Variants in TRIP11 observed in about 807,000 individuals in gnomAD.
TRIP11 encodes thyroid receptor-interacting protein 11.
In TRIP11, 148 loss-of-function variants were observed where a neutral mutation model predicts 223.1. The observed-to-expected ratio is 0.66, with a 90% CI of 0.58 to 0.76. TRIP11 has a LOEUF of 0.76. Ranked by LOEUF, TRIP11 falls within the 30% of genes least tolerant of loss-of-function variation. TRIP11 has a pLI of 0.00. For missense variants in TRIP11, 2,043 were observed against 2,222.0 expected (o/e 0.92, Z 1.62); for synonymous variants, 762 against 772.6 (o/e 0.99, Z 0.23).
At chr14:91,973,117 C>T (rs1014001117) in intron 19 of TRIP11, among the ~76,000 whole-genome samples, 3 of 151,622 alleles carry the variant, frequency 2.0e-5, no homozygotes, top group African/African-American at 7.3e-5. Flanking sequence ...CCTCCGCCTC[C>T]CAGGTTCAAG....
chr14:92,007,542 C>T, intron 10 of TRIP11, 98 bp downstream of exon 10: 1 of 1,355,532 alleles, frequency 7.4e-7, no homozygotes, highest in Non-Finnish European at 1.0e-6. Flanking sequence ...GTTTGTCAAT[C>T]TCTATGAACT....
At chr14:91,996,164 C>T (rs2056748532) in intron 13 of TRIP11, among the ~76,000 whole-genome samples, 1 of 152,176 alleles carries the variant, frequency 6.6e-6, no homozygotes, top group Admixed American at 6.5e-5. Flanking sequence ...TCCCCTTTCC[C>T]TTGAAAACTA....
chr14:91,980,081 T>C (rs182447969), intron 16 of TRIP11, among the ~76,000 whole-genome samples: 5 of 152,262 alleles, frequency 3.3e-5, no homozygotes, highest in African/African-American at 9.6e-5. Flanking sequence ...ATCTGTGACA[T>C]AGTAAAACTT....
intron 15 of TRIP11, among the ~76,000 whole-genome samples, chr14:91,989,613 T>C (rs189355200): frequency 4.9e-4 from 75 of 151,654 alleles, no homozygotes; most frequent in Admixed American, 4.4e-3. Flanking sequence ...AGGTCAAGTT[T>C]TGCCATCTTC....
At chr14:92,013,907 G>C (rs1350369269) in intron 7 of TRIP11, among the ~76,000 whole-genome samples, 1 of 152,192 alleles carries the variant, frequency 6.6e-6, no homozygotes, top group Admixed American at 6.5e-5. Context: ...TTGGATATAG[G>C]AGATCGTTTC....
chr14:92,001,418 G>C (rs2056824808), intron 11 of TRIP11, among the ~76,000 whole-genome samples: 1 of 148,052 alleles, frequency 6.8e-6, no homozygotes. Context: ...GCAAATGCTT[G>C]AGAAATTAAA....
intron 10 of TRIP11, among the ~76,000 whole-genome samples, chr14:92,007,014 C>A (rs1424032927): frequency 6.7e-6 from 1 of 149,000 alleles, no homozygotes; most frequent in Non-Finnish European, 1.5e-5. Flanking sequence ...AATTTAAAAC[C>A]AAAGATGGTA....
intron 15 of TRIP11, among the ~76,000 whole-genome samples, chr14:91,991,188 G>A (rs2056667416): frequency 6.6e-6 from 1 of 152,152 alleles, no homozygotes; most frequent in Non-Finnish European, 1.5e-5. Context: ...GTGGGAGTGG[G>A]TTCATAATCA....
In TRIP11 at chr14:92,004,526, A is replaced by G. The variant is rs1283477877; in HGVS notation, c.3450T>C (p.Ser1150=). ...TAGTTTCTCTAAACATATCTTGGCC[A>G]CTACTTTCAAATCTAGTGGACAATT... is the stretch of plus-strand genomic sequence containing the variant. ...NKKLSTRFES[S]GQDMFRETIQ... Residue 1150 remains serine (S), a synonymous_variant, in exon 11 of 21, where the codon AGT becomes AGC. Transcript: ENST00000267622. 5 of 1,613,306 alleles carry G rather than the reference A, an allele frequency of 3.1e-6. No homozygotes were observed. The highest frequency in any genetic ancestry group is 2.5e-6 in the Non-Finnish European group (3 of 1,179,946).
Position 92,002,615 on chromosome 14 carries a change from C to T in TRIP11, c.4557+804G>A, listed in dbSNP as rs2056841121. Reference sequence around the variant, plus strand: ...TTATTGAGACAGAGTCTTGTTCTGTCACCCAGGCAGGAGTGTAATGGCATG... The same window carrying T: ...TTATTGAGACAGAGTCTTGTTCTGTTACCCAGGCAGGAGTGTAATGGCATG... On this transcript the variant is annotated intron_variant, in intron 11 of 20. Coordinates refer to ENST00000267622, the MANE Select transcript of TRIP11 (RefSeq NM_004239.4). Among the ~76,000 whole-genome samples, 3 of 150,060 alleles carry T rather than the reference C, an allele frequency of 2.0e-5. No homozygotes were observed. In the South Asian group the frequency reaches 6.3e-4, roughly 32 times the overall value.
At chr14:92,028,927 G>A (rs957985102) in intron 2 of TRIP11, among the ~76,000 whole-genome samples, 5 of 152,090 alleles carry the variant, frequency 3.3e-5, no homozygotes, top group Admixed American at 6.6e-5. Context: ...CTAACTATTC[G>A]TAAAACTTGA....
In TRIP11 at chr14:91,975,299, A is replaced by C; in HGVS notation, c.5343-13T>G. ...TCTCATTAGGACTCTATGAAAATAA[A>C]GGCAGAAACAGCTCAAGTGAACTCA... On this transcript the variant is annotated splice_polypyrimidine_tract_variant and intron_variant, in intron 17 of 20. Transcript: ENST00000267622. 1 of 1,593,936 alleles carries C rather than the reference A, an allele frequency of 6.3e-7. No homozygotes were observed. The highest frequency in any genetic ancestry group is 8.6e-7 in the Non-Finnish European group (1 of 1,162,290).
chr14:91,970,688 G>A (rs896823929), intron 20 of TRIP11, among the ~76,000 whole-genome samples: 10 of 152,160 alleles, frequency 6.6e-5, no homozygotes, highest in African/African-American at 2.2e-4. Flanking sequence ...TAAGAGGAAC[G>A]AATAGGGAAA....
intron 20 of TRIP11, among the ~76,000 whole-genome samples, chr14:91,970,497 TA>T (rs1181201341): frequency 6.6e-6 from 1 of 152,156 alleles, no homozygotes; most frequent in African/African-American, 2.4e-5. Flanking sequence ...TTTGTATGGC[TA>T]AAATCTGACT....
chr14:91,976,510 C>T (rs1489488716), intron 16 of TRIP11, among the ~76,000 whole-genome samples: 2 of 152,196 alleles, frequency 1.3e-5, no homozygotes, highest in Non-Finnish European at 2.9e-5. Flanking sequence ...TTCATCACTG[C>T]CTCCTTGCAT....
intron 16 of TRIP11, 80 bp from the exon 17 acceptor site, chr14:91,976,269 T>C: frequency 3.5e-6 from 4 of 1,157,742 alleles, no homozygotes; most frequent in Non-Finnish European, 3.8e-6. Context: ...ATTTATGAGA[T>C]CTTTATTATA....
rs79971757 is a variant in TRIP11 at position 91,994,889 on chromosome 14, G to A, written c.5056+463C>T. Among the ~76,000 whole-genome samples the A allele has an allele frequency of 7.3e-3, 1,115 of 152,310 alleles. 33 individuals carry two copies. In the South Asian group the frequency reaches 0.077, roughly 11 times the overall value. Reference sequence around the variant, plus strand: ...GAAAATGTAGTTACCTCAAAGCATAGATGAATAGCTATGAACATGTGAATC... The same window carrying A: ...GAAAATGTAGTTACCTCAAAGCATAAATGAATAGCTATGAACATGTGAATC... On this transcript the variant is annotated intron_variant, in intron 14 of 20. Transcript: ENST00000267622.
At chr14:91,994,258 C>CTTTTTTTTTTTTTTT (rs539125037) in intron 14 of TRIP11, among the ~76,000 whole-genome samples, 1 of 127,452 alleles carries the variant, frequency 7.8e-6, no homozygotes, top group Non-Finnish European at 1.6e-5. Context: ...ACCTCAAAAA[C>CTTTTTTTTTTTTTTT]TTTTTTTTTT....
At chr14:92,019,537 G>T (rs7155279) in intron 4 of TRIP11, among the ~76,000 whole-genome samples, 62,881 of 152,000 alleles carry the variant, frequency 0.41, 13,966 homozygotes, top group African/African-American at 0.59. Flanking sequence ...ATAATTTTAA[G>T]TGGGAAGATT....
Sources: gnomAD v4.1 joint callset for allele counts (sites outside exome capture counted in the v4.1 genomes callset) on GRCh38, gnomAD v4.1.1 for gene constraint, MANE v1.5 for transcripts, NCBI Gene and HGNC (gene_info 2026-07-23, HGNC 2026-07-21) for gene names.